ADAMTSL1: variants seen among roughly 807,000 people sequenced by gnomAD.
ADAMTSL1 encodes ADAMTS like 1.
Under a neutral mutation model 201.8 loss-of-function variants are expected in ADAMTSL1, and 126 were observed. That is an observed-to-expected ratio of 0.62 (90% CI 0.54 to 0.72). The LOEUF (loss-of-function observed/expected upper bound fraction) is 0.72. ADAMTSL1 is among the 30% of genes least tolerant of loss of function. ADAMTSL1 has a pLI of 0.00. For synonymous variants in ADAMTSL1, 1,121 were observed against 903.4 expected, an observed-to-expected ratio of 1.24 and a Z score of -4.32; for missense variants, 2,679 against 2,277.8, an observed-to-expected ratio of 1.18 and a Z score of -3.59.
At chr9:18,135,131 T>C (rs1826106452) in intron 1 of ADAMTSL1, among the ~76,000 whole-genome samples, 1 of 152,186 alleles carries the variant, frequency 6.6e-6, no homozygotes, top group South Asian at 2.1e-4. Context: ...GTATTTGTAA[T>C]TATAAACATC....
chr9:18,101,205 C>T (rs762798743), intron 1 of ADAMTSL1, among the ~76,000 whole-genome samples: 4 of 152,016 alleles, frequency 2.6e-5, no homozygotes, highest in South Asian at 2.1e-4. Context: ...GCATTTAAAA[C>T]GGATTATGTA....
chr9:18,409,598 T>C (rs188867645), intron 2 of ADAMTSL1, among the ~76,000 whole-genome samples: 1 of 151,208 alleles, frequency 6.6e-6, no homozygotes, highest in Non-Finnish European at 1.5e-5. Context: ...GATTATCACT[T>C]CTTTGTGATA....
intron 26 of ADAMTSL1, among the ~76,000 whole-genome samples, chr9:18,894,755 C>T (rs2131576104): frequency 6.6e-6 from 1 of 152,224 alleles, no homozygotes; most frequent in South Asian, 2.1e-4. Context: ...TAAACACTAT[C>T]AATTTGAAAG....
chr9:18,055,490 A>G (rs1822141871), intron 1 of ADAMTSL1, among the ~76,000 whole-genome samples: 2 of 152,246 alleles, frequency 1.3e-5, no homozygotes, highest in Non-Finnish European at 2.9e-5. Flanking sequence ...TCTATAAACT[A>G]TAAATAAGCC....
At chr9:18,412,841 G>A (rs913115668) in intron 2 of ADAMTSL1, among the ~76,000 whole-genome samples, 1 of 151,902 alleles carries the variant, frequency 6.6e-6, no homozygotes, top group African/African-American at 2.4e-5. Flanking sequence ...TTGTTTTCTT[G>A]CCTTTATCAG....
chr9:18,048,580 G>A (rs1821778962), intron 1 of ADAMTSL1, among the ~76,000 whole-genome samples: 1 of 152,150 alleles, frequency 6.6e-6, no homozygotes. Context: ...TTGGGTGTGA[G>A]ATATATGGGG....
intron 23 of ADAMTSL1, among the ~76,000 whole-genome samples, chr9:18,878,765 C>T (rs990260421): frequency 4.6e-5 from 7 of 152,200 alleles, no homozygotes; most frequent in Admixed American, 3.9e-4. Flanking sequence ...TCACATGCTG[C>T]TCTGTACATC....
chr9:18,793,140 C>CA (rs2133829777), intron 19 of ADAMTSL1: 1 of 152,324 alleles, frequency 6.6e-6, no homozygotes, highest in South Asian at 2.1e-4. Flanking sequence ...ACAAATCATT[C>CA]AAAAACTTCC....
intron 1 of ADAMTSL1, among the ~76,000 whole-genome samples, chr9:17,983,826 C>A (rs1017505149): frequency 1.3e-5 from 2 of 151,912 alleles, no homozygotes; most frequent in Admixed American, 6.6e-5. Flanking sequence ...AAAAATCCAG[C>A]ACATAAACTT....
At chr9:18,535,465 C>T (rs1302196074) in intron 3 of ADAMTSL1, among the ~76,000 whole-genome samples, 1 of 152,158 alleles carries the variant, frequency 6.6e-6, no homozygotes, top group African/African-American at 2.4e-5. Flanking sequence ...ACCTTTCCCA[C>T]ATTTTCCTGT....
chr9:18,467,517 A>T (rs1258393338), intron 2 of ADAMTSL1, among the ~76,000 whole-genome samples: 1 of 152,236 alleles, frequency 6.6e-6, no homozygotes, highest in Non-Finnish European at 1.5e-5. Flanking sequence ...CATATCTATG[A>T]TATATAATGC....
chr9:18,657,027 A>G lies in ADAMTSL1; in HGVS notation c.835-612A>G, dbSNP rs528177534. Among the ~76,000 whole-genome samples the G allele has an allele frequency of 5.9e-5, 9 of 152,328 alleles. No individual in the cohort carries two copies. In the East Asian group the frequency reaches 1.7e-3, roughly 29 times the overall value. On this transcript the variant is annotated intron_variant, in intron 7 of 28. Coordinates refer to ENST00000380548, the MANE Select transcript of ADAMTSL1 (RefSeq NM_001040272.6). ...AGTAAGTAATCGTTTTTATGACATA[A>G]ATTTGTGTTTTCAGTTTGATTCTTA...
intron 1 of ADAMTSL1, among the ~76,000 whole-genome samples, chr9:17,942,654 A>G (rs1041257739): frequency 6.6e-6 from 1 of 152,106 alleles, no homozygotes; most frequent in African/African-American, 2.4e-5. Context: ...CCCCTTACAC[A>G]TGCTCTGAAA....
intron 3 of ADAMTSL1, among the ~76,000 whole-genome samples, chr9:18,540,395 G>C (rs994392649): frequency 6.6e-6 from 1 of 152,180 alleles, no homozygotes; most frequent in African/African-American, 2.4e-5. Flanking sequence ...TAATGGGATG[G>C]AGAGTGACAC....
intron 23 of ADAMTSL1, among the ~76,000 whole-genome samples, chr9:18,881,237 G>T (rs1828515793): frequency 6.6e-6 from 1 of 152,086 alleles, no homozygotes; most frequent in Non-Finnish European, 1.5e-5. Flanking sequence ...CTTTTTCTTT[G>T]CATTCACAAC....
chr9:18,246,135 A>G (rs1831251665), intron 2 of ADAMTSL1, among the ~76,000 whole-genome samples: 1 of 152,162 alleles, frequency 6.6e-6, no homozygotes, highest in South Asian at 2.1e-4. Flanking sequence ...TTTTTTAATA[A>G]CCGTGTCATC....
chr9:18,826,378 GTCC>G lies in ADAMTSL1; in HGVS notation c.4035_4037del (p.Ser1346del). On this transcript the variant is annotated inframe_deletion, in exon 22 of 29. Coordinates refer to ENST00000380548, the MANE Select transcript of ADAMTSL1 (RefSeq NM_001040272.6). Reference sequence around the variant, plus strand: ...AAGGCTCCTTGCTGCTCACAAACGTGTCCTCCTCGGATCAGGGCCTGTACTCCT... The same window carrying G: ...AAGGCTCCTTGCTGCTCACAAACGTGTCCTCGGATCAGGGCCTGTACTCCT... The G allele has an allele frequency of 6.2e-7, 1 of 1,613,598 alleles. No homozygotes were observed. The highest frequency in any genetic ancestry group is 8.5e-7 in the Non-Finnish European group (1 of 1,179,848).
At chr9:18,427,635 T>C (rs561591403) in intron 2 of ADAMTSL1, among the ~76,000 whole-genome samples, 28 of 152,380 alleles carry the variant, frequency 1.8e-4, no homozygotes, top group Non-Finnish European at 3.4e-4. Context: ...CACATTTTTC[T>C]CTTGCTCTCT....
chr9:18,600,206 G>A (rs1369515957), intron 4 of ADAMTSL1, among the ~76,000 whole-genome samples: 1 of 152,028 alleles, frequency 6.6e-6, no homozygotes, highest in African/African-American at 2.4e-5. Flanking sequence ...GTATTTCTAA[G>A]GGGAAGGAGA....
Sources: gnomAD v4.1 joint callset for allele counts (sites outside exome capture counted in the v4.1 genomes callset) on GRCh38, gnomAD v4.1.1 for gene constraint, MANE v1.5 for transcripts, NCBI Gene and HGNC (gene_info 2026-07-23, HGNC 2026-07-21) for gene names.